Variants in FGFR2 observed in about 807,000 individuals in gnomAD.
The protein encoded by FGFR2 is fibroblast growth factor receptor 2, also known as BEK fibroblast growth factor receptor.
In FGFR2, 19 loss-of-function variants were observed where a neutral mutation model predicts 95.9. The ratio of observed to expected loss-of-function variants is 0.20; its 90% CI spans 0.14 to 0.29. The LOEUF is 0.29. Among genes scored for constraint, FGFR2 ranks in the 10% least tolerant of loss-of-function variants. The probability of loss-of-function intolerance (pLI) is 1.00; values close to 1 mark genes in which losing one functional copy is unlikely to be tolerated. For missense variants in FGFR2, 707 were observed against 1,056.9 expected, an observed-to-expected ratio of 0.67 and a Z score of 4.59; for synonymous variants, 392 against 393.3, an observed-to-expected ratio of 1.00 and a Z score of 0.04.
At chr10:121,596,867 G>GA (rs1410671352) in intron 1 of FGFR2, among the ~76,000 whole-genome samples, 1 of 152,196 alleles carries the variant, frequency 6.6e-6, no homozygotes, top group East Asian at 1.9e-4. Context: ...ACATTCCAGG[G>GA]AAAGAGAGAG....
chr10:121,518,883 T>C lies in FGFR2; in HGVS notation c.939+1096A>G. ...CGGCCAACCAGGAAGGTCTTAGCATTGTCTATGGTCCCACCACCAACACAC... is the reference window on the plus strand; with the variant it reads ...CGGCCAACCAGGAAGGTCTTAGCATCGTCTATGGTCCCACCACCAACACAC... On this transcript the variant is annotated intron_variant, in intron 7 of 17. Transcript: ENST00000358487. This position sits in a 1 kb window ranked among gnomAD's most constrained non-coding sequence, Gnocchi z 4.0. The C allele has an allele frequency of 1.2e-6, 2 of 1,609,040 alleles. No homozygotes were observed. Among genetic ancestry groups the C allele is most frequent in the Non-Finnish European group, 1.7e-6 (2 of 1,175,856 alleles).
intron 5 of FGFR2, 112 bp from the exon 6 acceptor site, chr10:121,538,827 A>G: frequency 7.3e-7 from 1 of 1,368,704 alleles, no homozygotes; most frequent in Non-Finnish European, 1.0e-6. Flanking sequence ...GTATGGAAGA[A>G]TCACCTAAAT....
At chr10:121,509,375 T>G (rs7090018) in intron 9 of FGFR2, among the ~76,000 whole-genome samples, 42,499 of 151,272 alleles carry the variant, frequency 0.28, 6,149 homozygotes, top group Admixed American at 0.34. Context: ...GTAAATGTGC[T>G]TTTCGTACAT....
chr10:121,499,870 A>C (rs572705675), intron 11 of FGFR2, among the ~76,000 whole-genome samples: 5 of 152,196 alleles, frequency 3.3e-5, no homozygotes, highest in African/African-American at 1.2e-4. Flanking sequence ...CTTTTAAAAA[A>C]CCCAAAAAAC....
chr10:121,572,275 G>A (rs187268719), intron 2 of FGFR2, among the ~76,000 whole-genome samples: 2 of 152,042 alleles, frequency 1.3e-5, no homozygotes, highest in Admixed American at 6.5e-5. Flanking sequence ...CTATGATCGC[G>A]CCACTGCATT....
chr10:121,514,763 A>G (rs1474505374), intron 9 of FGFR2, among the ~76,000 whole-genome samples: 1 of 152,170 alleles, frequency 6.6e-6, no homozygotes, highest in African/African-American at 2.4e-5. Context: ...AAGGTATTAG[A>G]TCACAGGACA....
At chr10:121,551,250 A>G (rs1483433069) in intron 5 of FGFR2, 40 bp downstream of exon 5, 6 of 1,610,862 alleles carry the variant, frequency 3.7e-6, no homozygotes, top group Non-Finnish European at 3.4e-6. Context: ...TAAATAAACA[A>G]AAATGTAAGA....
At chr10:121,481,614 T>TCCTTG (rs1185625397) in intron 17 of FGFR2, among the ~76,000 whole-genome samples, 3 of 152,320 alleles carry the variant, frequency 2.0e-5, no homozygotes, top group African/African-American at 7.2e-5. Context: ...GGAACCGTTT[T>TCCTTG]TCTTGAGCAT....
intron 13 of FGFR2, among the ~76,000 whole-genome samples, chr10:121,488,537 T>C (rs1185891573): frequency 5.0e-4 from 15 of 29,896 alleles, no homozygotes; most frequent in African/African-American, 1.8e-3. Context: ...TGAGACTCTG[T>C]CTCAAAAAAA....
chr10:121,513,986 C>T (rs1353907845), intron 9 of FGFR2, among the ~76,000 whole-genome samples: 2 of 152,010 alleles, frequency 1.3e-5, no homozygotes, highest in Non-Finnish European at 2.9e-5. Flanking sequence ...CCTGAAGTCC[C>T]GGGAGAGGCA....
chr10:121,583,187 C>T (rs1861223122), intron 2 of FGFR2: 1 of 152,188 alleles, frequency 6.6e-6, no homozygotes, highest in Admixed American at 6.5e-5. Flanking sequence ...TCAGGTAGTC[C>T]TTGGTGCTTG....
chr10:121,592,974 A>C (rs1862898607), intron 2 of FGFR2, among the ~76,000 whole-genome samples: 1 of 152,212 alleles, frequency 6.6e-6, no homozygotes, highest in Admixed American at 6.5e-5. Context: ...GAGAGGTTCC[A>C]AATCTGCTAA....
rs757914986 is a variant in FGFR2 at position 121,551,047 on chromosome 10, C to A, written c.624+243G>T. ...CATCCTGGACAACACGGTGAAACCC[C>A]GTCTCTGCTACAGATACAAAAAATT... is the stretch of plus-strand genomic sequence containing the variant. On this transcript the variant is annotated intron_variant, in intron 5 of 17. Coordinates refer to ENST00000358487, the MANE Select transcript of FGFR2 (RefSeq NM_000141.5). 9.2e-5 allele frequency among the ~76,000 whole-genome samples: 14 copies of A among 152,098 alleles called. No individual in the cohort carries two copies. In the East Asian group the frequency reaches 2.7e-3, roughly 30 times the overall value.
rs778094013 is a variant in FGFR2 at position 121,520,062 on chromosome 10, G to A, written c.856C>T (p.Pro286Ser). Residue 286 changes from proline to serine, a missense_variant, in exon 7 of 18, where the codon CCC (proline) becomes TCC (serine). Physicochemically the swap from Pro to Ser is moderately conservative, Grantham distance 74. Coordinates refer to ENST00000358487, the MANE Select transcript of FGFR2 (RefSeq NM_000141.5). ...FVCKVYSDAQPHIQWIKHVEK... is the reference protein window; with the variant it reads ...FVCKVYSDAQSHIQWIKHVEK... ...ACGTGCTTGATCCACTGGATGTGGG[G>A]CTGGGCATCACTGTAAACCTTGCAG... 2 of 1,614,212 alleles carry A rather than the reference G, an allele frequency of 1.2e-6. No homozygotes were observed. Among genetic ancestry groups the A allele is most frequent in the South Asian group, 1.1e-5 (1 of 91,086 alleles).
chr10:121,547,293 A>G (rs1854658541), intron 5 of FGFR2, among the ~76,000 whole-genome samples: 1 of 152,226 alleles, frequency 6.6e-6, no homozygotes, highest in African/African-American at 2.4e-5. Flanking sequence ...GTTAGATGTC[A>G]GGCCCTCTGA....
chr10:121,494,406 G>A (rs1589746715), intron 13 of FGFR2, among the ~76,000 whole-genome samples: 1 of 152,190 alleles, frequency 6.6e-6, no homozygotes, highest in South Asian at 2.1e-4. Flanking sequence ...AGTAGATGTT[G>A]AAGGATTTAA....
chr10:121,569,129 C>A (rs529439987), intron 2 of FGFR2, among the ~76,000 whole-genome samples: 1 of 152,022 alleles, frequency 6.6e-6, no homozygotes, highest in Non-Finnish European at 1.5e-5. Context: ...CTCTTCAAGG[C>A]GGAAGATGCT....
At chr10:121,524,453 C>T (rs1851047629) in intron 6 of FGFR2, among the ~76,000 whole-genome samples, 1 of 152,148 alleles carries the variant, frequency 6.6e-6, no homozygotes, top group South Asian at 2.1e-4. Context: ...TGTTTCATTT[C>T]TCCACATCAG....
At chr10:121,507,201 T>C (rs541709383) in intron 9 of FGFR2, among the ~76,000 whole-genome samples, 27 of 152,316 alleles carry the variant, frequency 1.8e-4, no homozygotes, top group African/African-American at 6.0e-4. Flanking sequence ...GGTCAGATTG[T>C]CAGGGTCCCT....
Sources: gnomAD v4.1 joint callset for allele counts (sites outside exome capture counted in the v4.1 genomes callset) on GRCh38, gnomAD v4.1.1 for gene constraint, Gnocchi (gnomAD v3.1) non-coding constraint, MANE v1.5 for transcripts, NCBI Gene and HGNC (gene_info 2026-07-23, HGNC 2026-07-21) for gene names.